IL1RAPL1: variants seen among roughly 807,000 people sequenced by gnomAD.
IL1RAPL1 encodes the protein interleukin 1 receptor accessory protein like 1, also known as interleukin-1 receptor accessory protein-like 1.
In IL1RAPL1, 3 loss-of-function variants were observed where a neutral mutation model predicts 48.4. That is an observed-to-expected ratio of 0.06 (90% CI 0.03 to 0.16). The LOEUF is 0.16. Ranked by LOEUF, IL1RAPL1 falls within the 10% of genes least tolerant of loss-of-function variation. The pLI is 1.00. For synonymous variants in IL1RAPL1, 185 were observed against 187.7 expected (o/e 0.99, Z 0.12); for missense variants, 349 against 530.6 (o/e 0.66, Z 3.36).
chrX:28,702,819 C>G (rs747978378), intron 1 of IL1RAPL1, among the ~76,000 whole-genome samples: 6 of 96,193 alleles, frequency 6.2e-5, no homozygotes, highest in Non-Finnish European at 8.2e-5. Context: ...TTTATTGTTT[C>G]CACTGTTTTA....
chrX:28,703,433 TGTA>T (rs1208224081), intron 1 of IL1RAPL1, among the ~76,000 whole-genome samples: 4 of 111,854 alleles, frequency 3.6e-5, no homozygotes, highest in African/African-American at 1.3e-4. Flanking sequence ...GTGCAGTTCT[TGTA>T]GTATCATTCT....
At chrX:29,379,753 C>A (rs908757675) in intron 3 of IL1RAPL1, among the ~76,000 whole-genome samples, 24 of 112,091 alleles carry the variant, frequency 2.1e-4, no homozygotes, top group Non-Finnish European at 2.6e-4. Context: ...CCACTCTTGG[C>A]ATTTTTCTCT....
intron 2 of IL1RAPL1, among the ~76,000 whole-genome samples, chrX:28,941,126 G>A (rs750859495): frequency 9.0e-6 from 1 of 111,058 alleles, no homozygotes; most frequent in South Asian, 3.7e-4. Flanking sequence ...GTTCTAGTGT[G>A]AAAATACACC....
At chrX:29,091,010 C>T (rs1375966948) in intron 2 of IL1RAPL1, among the ~76,000 whole-genome samples, 1 of 111,987 alleles carries the variant, frequency 8.9e-6, no homozygotes, top group African/African-American at 3.2e-5. Flanking sequence ...GCAACAATGC[C>T]ATCTATTGGC....
At chrX:28,668,688 A>G (rs992812385) in intron 1 of IL1RAPL1, among the ~76,000 whole-genome samples, 2 of 112,760 alleles carry the variant, frequency 1.8e-5, no homozygotes, top group African/African-American at 6.4e-5. Flanking sequence ...AAATAGCCAC[A>G]TCTATTCAAC....
intron 1 of IL1RAPL1, among the ~76,000 whole-genome samples, chrX:28,597,807 C>T (rs933909886): frequency 4.5e-5 from 5 of 110,220 alleles, no homozygotes; most frequent in African/African-American, 6.6e-5. Context: ...TTAACATTAG[C>T]TTTTACTTTT....
intron 2 of IL1RAPL1, among the ~76,000 whole-genome samples, chrX:28,810,968 C>A (rs1936787641): frequency 9.1e-6 from 1 of 109,364 alleles, no homozygotes; most frequent in East Asian, 2.9e-4. Flanking sequence ...CTGGTCAAAT[C>A]TCATAAGTTA....
At chrX:28,792,816 A>AATATAT (rs1555924328) in intron 2 of IL1RAPL1, among the ~76,000 whole-genome samples, 364 of 10,068 alleles carry the variant, frequency 0.036, 13 homozygotes, top group Non-Finnish European at 0.054. Context: ...AAAAAAAAAA[A>AATATAT]ATATATATAT....
At chrX:29,099,794 T>C (rs1433508629) in intron 2 of IL1RAPL1, among the ~76,000 whole-genome samples, 1 of 112,231 alleles carries the variant, frequency 8.9e-6, no homozygotes, top group Non-Finnish European at 1.9e-5. Context: ...TTTAGTCTTT[T>C]TATGTTAGAC....
At chrX:29,380,129 A>G (rs776342972) in intron 3 of IL1RAPL1, among the ~76,000 whole-genome samples, 9 of 102,229 alleles carry the variant, frequency 8.8e-5, no homozygotes, top group South Asian at 8.7e-4. Context: ...TTTTTTTCCT[A>G]CTAGATTACT....
chrX:29,385,386 G>A (rs755540468), intron 3 of IL1RAPL1, among the ~76,000 whole-genome samples: 8 of 112,152 alleles, frequency 7.1e-5, no homozygotes, highest in African/African-American at 1.6e-4. Flanking sequence ...CCTGGGAGGC[G>A]GAGGTTGCGG....
chrX:28,686,530 T>C (rs1023124307), intron 1 of IL1RAPL1, among the ~76,000 whole-genome samples: 13 of 111,933 alleles, frequency 1.2e-4, no homozygotes, highest in African/African-American at 4.2e-4. Context: ...GCATATCTCT[T>C]GTCTCAGATG....
At chrX:29,141,543 C>G (rs1288568360) in intron 2 of IL1RAPL1, among the ~76,000 whole-genome samples, 1 of 111,605 alleles carries the variant, frequency 9.0e-6, no homozygotes, top group African/African-American at 3.2e-5. Context: ...AATCTCCACT[C>G]TTACATATAT....
intron 2 of IL1RAPL1, among the ~76,000 whole-genome samples, chrX:29,207,832 A>G (rs769254454): frequency 8.9e-6 from 1 of 112,415 alleles, no homozygotes; most frequent in Non-Finnish European, 1.9e-5. Flanking sequence ...AGACGTTAAT[A>G]TCAAAGCAAA....
At chrX:28,852,234 C>G (rs924734504) in intron 2 of IL1RAPL1, among the ~76,000 whole-genome samples, 5 of 111,126 alleles carry the variant, frequency 4.5e-5, no homozygotes, top group African/African-American at 3.3e-5. Flanking sequence ...TTAAAATAGA[C>G]AATAGCATGA....
intron 6 of IL1RAPL1, among the ~76,000 whole-genome samples, chrX:29,678,423 C>T (rs1177002430): frequency 1.1e-5 from 1 of 91,291 alleles, no homozygotes; most frequent in African/African-American, 4.2e-5. Context: ...GGCGCGATCT[C>T]GGCTCACCAC....
chrX:29,155,663 T>C (rs1602085569), intron 2 of IL1RAPL1, among the ~76,000 whole-genome samples: 1 of 112,030 alleles, frequency 8.9e-6, no homozygotes, highest in East Asian at 2.8e-4. Context: ...TCACTGGTCT[T>C]TCCTTTAAAT....
At chrX:29,206,612 A>G (rs1310477763) in intron 2 of IL1RAPL1, among the ~76,000 whole-genome samples, 7 of 111,863 alleles carry the variant, frequency 6.3e-5, no homozygotes, top group Admixed American at 5.7e-4. Context: ...CTTTTCCTAT[A>G]AGTAAAATAA....
At chrX:29,560,947 A>G (rs1002542438) in intron 5 of IL1RAPL1, among the ~76,000 whole-genome samples, 1 of 111,519 alleles carries the variant, frequency 9.0e-6, no homozygotes, top group African/African-American at 3.3e-5. Flanking sequence ...GGAGTTTTGC[A>G]TTGCTGCCCT....
Sources: gnomAD v4.1 joint callset for allele counts (sites outside exome capture counted in the v4.1 genomes callset) on GRCh38, gnomAD v4.1.1 for gene constraint, MANE v1.5 for transcripts, NCBI Gene and HGNC (gene_info 2026-07-23, HGNC 2026-07-21) for gene names.